ARHGEF18: variants seen among roughly 807,000 people sequenced by gnomAD.
ARHGEF18 encodes rho guanine nucleotide exchange factor 18.
A neutral mutation model predicts 155.7 loss-of-function variants in ARHGEF18; 93 were observed. The ratio of observed to expected loss-of-function variants is 0.60; its 90% CI spans 0.50 to 0.71. The LOEUF (loss-of-function observed/expected upper bound fraction) is 0.71. ARHGEF18 is among the 30% of genes least tolerant of loss of function. The pLI, the probability that ARHGEF18 is intolerant of heterozygous loss-of-function variation, is 0.00. For synonymous variants in ARHGEF18, 742 were observed against 753.1 expected (o/e 0.99, Z 0.24); for missense variants, 1,593 against 1,816.1 (o/e 0.88, Z 2.23).
rs1044548179 is a variant in ARHGEF18, at chr19:7,456,335, G to A, written c.2113G>A (p.Ala705Thr). 1.9e-6 allele frequency: 3 copies of A among 1,614,034 alleles called. No homozygotes were observed. The highest frequency in any genetic ancestry group is 2.7e-5 in the African/African-American group (2 of 74,928). The stretch of plus-strand genomic sequence containing the variant: ...CCATGCTGTTTTCCCAGATATCCTG[G>A]CTATCCTGCTGACCGACGTACTTTT... Reference protein sequence around the residue: ...TTSGRLKDILAILLTDVLLLL... With the variant: ...TTSGRLKDILTILLTDVLLLL... Residue 705 changes from alanine (A) to threonine (T), a missense_variant, in exon 18 of 29, where the codon GCT becomes ACT. By Grantham distance (58) the Ala-to-Thr change is moderately conservative. Coordinates refer to ENST00000668164, the MANE Select transcript of ARHGEF18 (RefSeq NM_001367823.1).
chr19:7,404,435 G>C (rs1205134760), intron 10 of ARHGEF18, among the ~76,000 whole-genome samples: 1 of 151,494 alleles, frequency 6.6e-6, no homozygotes, highest in Non-Finnish European at 1.5e-5. Flanking sequence ...GCTCTGTGAG[G>C]CTGAGGCAGG....
intron 10 of ARHGEF18, among the ~76,000 whole-genome samples, chr19:7,393,626 C>T (rs1423437090): frequency 6.6e-6 from 1 of 151,984 alleles, no homozygotes; most frequent in Non-Finnish European, 1.5e-5. Context: ...GACAGGCAAC[C>T]TCAAGACTGG....
chr19:7,358,450 A>G (rs1026627423), intron 1 of ARHGEF18, among the ~76,000 whole-genome samples: 2 of 151,718 alleles, frequency 1.3e-5, no homozygotes, highest in Non-Finnish European at 2.9e-5. Context: ...CCACCTATCC[A>G]TCCATCTACC....
intron 10 of ARHGEF18, among the ~76,000 whole-genome samples, chr19:7,400,009 G>A (rs528661675): frequency 1.3e-5 from 2 of 152,102 alleles, no homozygotes; most frequent in African/African-American, 2.4e-5. Flanking sequence ...GGGCTCAAGC[G>A]ATCCTCCTAC....
intron 10 of ARHGEF18, among the ~76,000 whole-genome samples, chr19:7,412,732 ACT>A (rs748139085): frequency 6.0e-5 from 8 of 133,220 alleles, no homozygotes; most frequent in Admixed American, 5.0e-4. Flanking sequence ...ACAGAGCAAG[ACT>A]CTGTCTCAAA....
rs938544861 is a variant in ARHGEF18 at position 7,463,249 on chromosome 19, C to T, written c.2636-569C>T. On this transcript the variant is annotated intron_variant, in intron 21 of 28. Transcript: ENST00000668164. This position sits in a 1 kb window ranked among gnomAD's most constrained non-coding sequence, Gnocchi z 5.2. Reference sequence around the variant, plus strand: ...GTCTTTCTCCCTCCAGGCCCACTGACATCCTTCCACCCGGCTCCAGTGGCC... The same window carrying T: ...GTCTTTCTCCCTCCAGGCCCACTGATATCCTTCCACCCGGCTCCAGTGGCC... 2.0e-5 allele frequency among the ~76,000 whole-genome samples: 3 copies of T among 152,190 alleles called. No individual in the cohort carries two copies. The highest frequency in any genetic ancestry group is 2.9e-5 in the Non-Finnish European group (2 of 68,026).
intron 1 of ARHGEF18, among the ~76,000 whole-genome samples, chr19:7,362,282 A>G (rs1969656498): frequency 6.7e-6 from 1 of 150,344 alleles, no homozygotes; most frequent in South Asian, 2.1e-4. Flanking sequence ...GAAGGAGAAG[A>G]AGAGGAGGAG....
rs138117258 is a variant in ARHGEF18 at position 7,418,976 on chromosome 19, A to T, written c.968-21368A>T. On this transcript the variant is annotated intron_variant, in intron 10 of 28. Transcript: ENST00000668164. ...TGCATTGCAGGTGTGTCTGCTCTCC[A>T]GCCCCCCAGCAGCCCCTCACCCCAG... is the stretch of plus-strand genomic sequence containing the variant. Among the ~76,000 whole-genome samples, 506 of 151,894 alleles carry T rather than the reference A, an allele frequency of 3.3e-3. 1 individual carries two copies. Among genetic ancestry groups the T allele is most frequent in the African/African-American group, 0.012 (480 of 41,364 alleles).
chr19:7,453,045 A>G (rs1975585467), intron 16 of ARHGEF18, among the ~76,000 whole-genome samples: 1 of 151,850 alleles, frequency 6.6e-6, no homozygotes, highest in South Asian at 2.1e-4. Flanking sequence ...AAAATACCAA[A>G]AAAAATAGCT....
At chr19:7,427,293 C>T (rs1973718368) in intron 10 of ARHGEF18, among the ~76,000 whole-genome samples, 1 of 152,136 alleles carries the variant, frequency 6.6e-6, no homozygotes, top group Non-Finnish European at 1.5e-5. Context: ...CTACCCAGTA[C>T]CCTGGAGGGG....
At chr19:7,427,287 C>A (rs567305537) in intron 10 of ARHGEF18, among the ~76,000 whole-genome samples, 1 of 152,288 alleles carries the variant, frequency 6.6e-6, no homozygotes, top group Non-Finnish European at 1.5e-5. Flanking sequence ...GTGTGTCTAC[C>A]CAGTACCCTG....
downstream of ARHGEF18, among the ~76,000 whole-genome samples, chr19:7,474,016 G>T (rs1977152831): frequency 6.6e-6 from 1 of 150,520 alleles, no homozygotes; most frequent in Non-Finnish European, 1.5e-5. Flanking sequence ...AAATTTGGGG[G>T]ATAGAAAAAA....
chr19:7,452,189 G>T (rs745368539), intron 16 of ARHGEF18, among the ~76,000 whole-genome samples: 8 of 152,232 alleles, frequency 5.3e-5, no homozygotes, highest in Non-Finnish European at 1.0e-4. Context: ...TGGAGACGGT[G>T]CCCTGGTGGT....
intron 3 of ARHGEF18, among the ~76,000 whole-genome samples, chr19:7,373,912 A>C (rs1600220073): frequency 7.2e-6 from 1 of 138,828 alleles, no homozygotes; most frequent in African/African-American, 2.8e-5. Flanking sequence ...GGCTCACACC[A>C]CCACACCCGG....
chr19:7,382,436 GC>G (rs1414656599), intron 8 of ARHGEF18, among the ~76,000 whole-genome samples: 1 of 133,816 alleles, frequency 7.5e-6, no homozygotes, highest in Non-Finnish European at 1.6e-5. Flanking sequence ...ATAAATAAAG[GC>G]CAATTAGATA....
Position 7,440,410 on chromosome 19 carries a change from T to A in ARHGEF18, c.1034T>A (p.Val345Asp), listed in dbSNP as rs1974564541. The change falls in exon 11 of 29, where the codon GTC becomes GAC. Residue 345 changes from valine to aspartate, a missense_variant. Transcript: ENST00000668164. The surrounding 1 kb of genome is among the most constrained non-coding windows in gnomAD (Gnocchi z 5.4). ...SDGSPALSRN[V>D]GMTVSQKGGP... The stretch of plus-strand genomic sequence containing the variant: ...GGCAGCCCGGCCCTGTCCAGGAATG[T>A]CGGTATGACGGTCTCTCAGAAAGGG... 6.2e-7 allele frequency: 1 copy of A among 1,606,556 alleles called. No homozygotes were observed. The highest frequency in any genetic ancestry group is 8.5e-7 in the Non-Finnish European group (1 of 1,179,944).
In ARHGEF18 at chr19:7,467,444, G is replaced by A; in HGVS notation, c.3240G>A (p.Glu1080=). ...GCGAGCGCCAGTGGCAGCACCAGGA[G>A]CTGGAGCGTGCGGGCGCGCGGCTGC... ...WERERQWQHQ[E]LERAGARLQE... Residue 1080 remains glutamate, a synonymous_variant, in exon 26 of 29, where the codon GAG becomes GAA. Transcript: ENST00000668164. The A allele has an allele frequency of 6.5e-7, 1 of 1,528,526 alleles. No individual in the cohort carries two copies. The highest frequency in any genetic ancestry group is 8.7e-7 in the Non-Finnish European group (1 of 1,143,548). The allele number at this position is 1,528,526 out of a possible 1,614,324, so 94.7% of individuals were successfully genotyped here.
At chr19:7,401,335 G>A (rs2145570228) in intron 10 of ARHGEF18, among the ~76,000 whole-genome samples, 1 of 152,234 alleles carries the variant, frequency 6.6e-6, no homozygotes, top group African/African-American at 2.4e-5. Flanking sequence ...GCCCAGGCTG[G>A]AGTGCAGTGT....
intron 4 of ARHGEF18, 63 bp downstream of exon 4, chr19:7,375,933 T>C (rs1243982356): frequency 8.1e-7 from 1 of 1,232,502 alleles, no homozygotes; most frequent in Non-Finnish European, 1.0e-6. Flanking sequence ...AGCAGTGCTA[T>C]AGGTAGGAAG....
Sources: gnomAD v4.1 joint callset for allele counts (sites outside exome capture counted in the v4.1 genomes callset) on GRCh38, gnomAD v4.1.1 for gene constraint, Gnocchi (gnomAD v3.1) non-coding constraint, MANE v1.5 for transcripts, NCBI Gene and HGNC (gene_info 2026-07-23, HGNC 2026-07-21) for gene names.